DMXL1: variants seen among roughly 807,000 people sequenced by gnomAD.
The protein encoded by DMXL1 is dmX-like protein 1.
A neutral mutation model predicts 319.2 loss-of-function variants in DMXL1; 99 were observed. The ratio of observed to expected loss-of-function variants is 0.31; its 90% CI spans 0.26 to 0.37. DMXL1 has a LOEUF of 0.37. Ranked by LOEUF, DMXL1 falls within the 10% of genes least tolerant of loss-of-function variation. The pLI is 1.00. For missense variants in DMXL1, 3,745 were observed against 3,595.6 expected (o/e 1.04, Z -1.06); for synonymous variants, 1,385 against 1,235.2 (o/e 1.12, Z -2.54).
intron 9 of DMXL1, among the ~76,000 whole-genome samples, chr5:119,124,673 C>T (rs1393865246): frequency 6.9e-6 from 1 of 145,722 alleles, no homozygotes; most frequent in Non-Finnish European, 1.5e-5. Flanking sequence ...TCAAGTGATT[C>T]TTCTGCCTCA....
At chr5:119,192,021 C>A (rs1159967601) in intron 29 of DMXL1, among the ~76,000 whole-genome samples, 2 of 152,154 alleles carry the variant, frequency 1.3e-5, no homozygotes, top group Non-Finnish European at 2.9e-5. Context: ...TCAGCTGTTC[C>A]AGAAGTTCCA....
rs1316237647 is a variant in DMXL1 at position 119,089,275 on chromosome 5, TACATATATATATATA to T, written c.88-8703_88-8689del. 9.3e-4 allele frequency among the ~76,000 whole-genome samples: 57 copies of T among 61,406 alleles called. No individual in the cohort carries two copies. The East Asian group carries it at 0.014, about 15-fold the overall frequency. The allele number at this position is 61,406 out of a possible 152,430, so 40.3% of individuals were successfully genotyped here. A position where few individuals can be genotyped will look rare whatever the true frequency, so the allele number is the denominator to read the frequency against. ...TCCATTATATATGCATATATATATA[TACATATATATATATA>T]TATTTTTTTTTTTTTTTTTTTTTTT... On this transcript the variant is annotated intron_variant, in intron 1 of 43. Coordinates refer to ENST00000539542, the MANE Select transcript of DMXL1 (RefSeq NM_001290321.3).
chr5:119,084,400 G>A (rs6871822), intron 1 of DMXL1, among the ~76,000 whole-genome samples: 4,806 of 152,232 alleles, frequency 0.032, 238 homozygotes, highest in African/African-American at 0.11. Context: ...GATTTCAGGC[G>A]TGAGCCACTG....
chr5:119,084,144 G>A (rs1461858275), intron 1 of DMXL1, among the ~76,000 whole-genome samples: 4 of 149,510 alleles, frequency 2.7e-5, no homozygotes, highest in South Asian at 4.2e-4. Context: ...TTTTTAAGAC[G>A]GAGTCTTGTG....
intron 31 of DMXL1, among the ~76,000 whole-genome samples, chr5:119,197,537 ATACT>A (rs1267281721): frequency 2.0e-5 from 3 of 152,280 alleles, no homozygotes; most frequent in African/African-American, 4.8e-5. Context: ...TAATGTTGAA[ATACT>A]TACACAGATT....
intron 38 of DMXL1, among the ~76,000 whole-genome samples, chr5:119,230,501 A>G (rs926159569): frequency 6.6e-6 from 1 of 152,252 alleles, no homozygotes; most frequent in Non-Finnish European, 1.5e-5. Flanking sequence ...GTCATACACA[A>G]ACATACAGGC....
At chr5:119,081,777 T>C in intron 1 of DMXL1, 1 of 954,050 alleles carries the variant, frequency 1.0e-6, no homozygotes, top group Non-Finnish European at 1.2e-6. Context: ...CTTACGTGTA[T>C]TTGAAGGTAG....
rs757537110 is a variant in DMXL1, at chr5:119,105,242, A to G, written c.348A>G (p.Ile116Met). 3.1e-6 allele frequency: 5 copies of G among 1,612,576 alleles called. No homozygotes were observed. In the Admixed American group the frequency reaches 6.7e-5, roughly 22 times the overall value. Residue 116 changes from isoleucine to methionine, a missense_variant, in exon 4 of 44, where the codon ATA (isoleucine) becomes ATG (methionine). By Grantham distance (10) the Ile-to-Met change is conservative. Coordinates refer to ENST00000539542, the MANE Select transcript of DMXL1 (RefSeq NM_001290321.3). Reference sequence around the variant, plus strand: ...TTCTGGAATCAATAGCACACAATATAACCTGGGATCCCACAGGTAAGAAAA... The same window carrying G: ...TTCTGGAATCAATAGCACACAATATGACCTGGGATCCCACAGGTAAGAAAA... The part of the protein sequence containing the change: ...QFFLESIAHN[I>M]TWDPTGSRLL...
rs554624056 is a variant in DMXL1, at chr5:119,076,419, G to T, written c.87+4763G>T. 8.8e-4 allele frequency among the ~76,000 whole-genome samples: 134 copies of T among 152,028 alleles called. No individual in the cohort carries two copies. The South Asian group carries it at 0.027, about 30-fold the overall frequency. On this transcript the variant is annotated intron_variant, in intron 1 of 43. Transcript: ENST00000539542. ...GGTGTTTGTTTTTTTTTTCTGAAAG[G>T]GGGCATGTGAATCTTTTTTGGTGGG...
intron 34 of DMXL1, among the ~76,000 whole-genome samples, chr5:119,209,246 G>A (rs918130734): frequency 9.9e-5 from 15 of 152,072 alleles, no homozygotes; most frequent in Admixed American, 4.6e-4. Context: ...TGGATCATGT[G>A]TAGGTATATG....
At chr5:119,108,809 C>CT (rs912081112) in intron 4 of DMXL1, among the ~76,000 whole-genome samples, 142 of 150,362 alleles carry the variant, frequency 9.4e-4, no homozygotes, top group African/African-American at 3.0e-3. Flanking sequence ...ATTTTTTTTC[C>CT]TTTTTTTTTG....
chr5:119,206,730 C>A, intron 33 of DMXL1, 104 bp from the exon 34 acceptor site: 1 of 635,328 alleles, frequency 1.6e-6, no homozygotes, highest in Non-Finnish European at 2.6e-6. Context: ...ATGTTCTTTT[C>A]TAGTAAATTT....
At chr5:119,174,816 T>G (rs540622250) in intron 25 of DMXL1, among the ~76,000 whole-genome samples, 7 of 152,230 alleles carry the variant, frequency 4.6e-5, no homozygotes, top group Non-Finnish European at 8.8e-5. Flanking sequence ...TTCACTCTCT[T>G]CAAATTGTTT....
chr5:119,127,808 A>C (rs911281885), intron 9 of DMXL1: 2 of 266,628 alleles, frequency 7.5e-6, no homozygotes, highest in Admixed American at 1.0e-4. Context: ...ATTTAATTTT[A>C]TGTTCTTAGA....
intron 19 of DMXL1, among the ~76,000 whole-genome samples, chr5:119,154,475 CTT>C (rs1188508498): frequency 6.6e-6 from 1 of 152,224 alleles, no homozygotes; most frequent in Non-Finnish European, 1.5e-5. Flanking sequence ...ACAAGATTCT[CTT>C]ATGCCAAAGC....
At chr5:119,207,007 G>A (rs1781860293) in intron 34 of DMXL1, 111 bp downstream of exon 34, 1 of 599,924 alleles carries the variant, frequency 1.7e-6, no homozygotes. Flanking sequence ...TTAAAGTATT[G>A]TTCCCTCAAA....
At chr5:119,142,317 C>T (rs1767564228) in intron 13 of DMXL1, among the ~76,000 whole-genome samples, 1 of 151,840 alleles carries the variant, frequency 6.6e-6, no homozygotes, top group African/African-American at 2.4e-5. Context: ...GAATATCCAA[C>T]ATCTGTAAGG....
intron 4 of DMXL1, among the ~76,000 whole-genome samples, chr5:119,108,334 T>A (rs1389435586): frequency 1.3e-5 from 2 of 152,248 alleles, no homozygotes; most frequent in Non-Finnish European, 2.9e-5. Flanking sequence ...CACGGCCTTC[T>A]ACTTAATTCC....
chr5:119,122,996 C>T (rs932939407), intron 9 of DMXL1, among the ~76,000 whole-genome samples: 1 of 152,162 alleles, frequency 6.6e-6, no homozygotes, highest in African/African-American at 2.4e-5. Flanking sequence ...CACGCCACTG[C>T]ACTCCAGCCT....
Sources: allele counts gnomAD v4.1 joint callset (sites outside exome capture counted in the v4.1 genomes callset), GRCh38; gene constraint gnomAD v4.1.1; transcripts MANE v1.5; gene names NCBI Gene and HGNC (gene_info 2026-07-23, HGNC 2026-07-21).